The following MTAP variants were observed in gnomAD, a reference collection of about 807,000 sequenced individuals.
MTAP encodes the protein S-methyl-5'-thioadenosine phosphorylase.
Under a neutral mutation model 33.6 loss-of-function variants are expected in MTAP, and 33 were observed. The observed-to-expected ratio is 0.98, with a 90% CI of 0.74 to 1.31. MTAP has a LOEUF of 1.31. Ranked by LOEUF, MTAP falls within the 40% of genes most tolerant of loss-of-function variation. The probability of loss-of-function intolerance (pLI) is 0.00; values close to 1 mark genes in which losing one functional copy is unlikely to be tolerated. For synonymous variants in MTAP, 148 were observed against 125.7 expected (o/e 1.18, Z -1.19); for missense variants, 367 against 360.0 (o/e 1.02, Z -0.16).
intron 1 of MTAP, among the ~76,000 whole-genome samples, chr9:21,810,878 T>C (rs1290418663): frequency 6.6e-6 from 1 of 152,192 alleles, no homozygotes; most frequent in Non-Finnish European, 1.5e-5. Flanking sequence ...CTGTGGACCC[T>C]ATTGCAGGTT....
chr9:21,869,674 C>G (rs148131127), downstream of MTAP, among the ~76,000 whole-genome samples: 227 of 152,276 alleles, frequency 1.5e-3, 2 homozygotes, highest in African/African-American at 5.3e-3. Context: ...CTCTTCAAAA[C>G]CCACATTAAA....
chr9:21,857,756 C>T (rs774564323), intron 6 of MTAP, among the ~76,000 whole-genome samples: 11 of 152,108 alleles, frequency 7.2e-5, no homozygotes, highest in Admixed American at 1.3e-4. Context: ...TTTCATTCTC[C>T]AATAATAATT....
chr9:21,923,896 C>G (rs1400513705), intron 1 of MTAP, among the ~76,000 whole-genome samples: 1 of 152,076 alleles, frequency 6.6e-6, no homozygotes, highest in Non-Finnish European at 1.5e-5. Flanking sequence ...ATAGGCCAGC[C>G]CAAGGCTGCA....
chr9:21,850,375 T>TAAAAA (rs1825482427), intron 5 of MTAP, among the ~76,000 whole-genome samples: 1 of 152,126 alleles, frequency 6.6e-6, no homozygotes, highest in Non-Finnish European at 1.5e-5. Context: ...GGCAACACAT[T>TAAAAA]CTTCATTTGA....
intron 5 of MTAP, among the ~76,000 whole-genome samples, chr9:21,846,198 A>C (rs1825377763): frequency 6.6e-6 from 1 of 152,200 alleles, no homozygotes; most frequent in African/African-American, 2.4e-5. Flanking sequence ...GCCTTGGCTT[A>C]GGCAAAGAGT....
chr9:21,865,173 A>G lies in MTAP; in HGVS notation c.*3159A>G, dbSNP rs1045557581. The G allele has an allele frequency of 2.4e-6, 2 of 843,264 alleles. No individual in the cohort carries two copies. The highest frequency in any genetic ancestry group is 2.9e-6 in the Non-Finnish European group (2 of 700,536). 52.2% of individuals were successfully genotyped at this position (843,264 alleles called of 1,614,324 possible). On this transcript the variant is annotated 3_prime_UTR_variant, in exon 8 of 8. Coordinates refer to ENST00000644715, the MANE Select transcript of MTAP (RefSeq NM_002451.4). ...GGACCCAGTGGGAGGTAATTAAATC[A>G]TGGGGGTGGTTACCCCCACACTGCT...
At chr9:21,882,341 T>A (rs1045073812) in intron 1 of MTAP, among the ~76,000 whole-genome samples, 1 of 151,934 alleles carries the variant, frequency 6.6e-6, no homozygotes, top group Non-Finnish European at 1.5e-5. Context: ...ATTAGGTGAG[T>A]TTTGCTACAA....
intron 7 of MTAP, chr9:21,861,392 AT>A (rs2118569764): frequency 6.5e-6 from 1 of 153,270 alleles, no homozygotes; most frequent in Non-Finnish European, 1.5e-5. Context: ...AAAATGAGGA[AT>A]TCCTGCTCTA....
intron 1 of MTAP, among the ~76,000 whole-genome samples, chr9:21,890,943 G>A (rs1363667639): frequency 6.6e-6 from 1 of 152,144 alleles, no homozygotes; most frequent in Non-Finnish European, 1.5e-5. Flanking sequence ...CCAAGTGGGA[G>A]CTGCAAGTTA....
intron 1 of MTAP, among the ~76,000 whole-genome samples, chr9:21,882,773 A>G (rs981853959): frequency 1.3e-5 from 2 of 152,084 alleles, no homozygotes; most frequent in Non-Finnish European, 2.9e-5. Flanking sequence ...CTGGGTTTTT[A>G]TCTAATCACA....
At chr9:21,815,221 T>C (rs930177526) in intron 1 of MTAP, among the ~76,000 whole-genome samples, 3 of 152,214 alleles carry the variant, frequency 2.0e-5, no homozygotes, top group Non-Finnish European at 2.9e-5. Context: ...TGGTTACTTA[T>C]AGAATATAGA....
intron 4 of MTAP, among the ~76,000 whole-genome samples, chr9:21,833,983 T>C (rs965274814): frequency 4.6e-5 from 7 of 152,226 alleles, no homozygotes; most frequent in African/African-American, 1.7e-4. Context: ...TTGTCTCCTT[T>C]ACTTTTCCAT....
intron 1 of MTAP, chr9:21,929,528 G>A (rs1174022666): frequency 1.6e-5 from 5 of 318,030 alleles, no homozygotes; most frequent in Non-Finnish European, 3.3e-5. Context: ...TTCCTGTTAT[G>A]AGAAAAAGCT....
chr9:21,930,644 A>G lies in MTAP; in HGVS notation c.148-364A>G, dbSNP rs1818942582. The G allele has an allele frequency of 1.4e-5, 6 of 443,990 alleles. No individual in the cohort carries two copies. The South Asian group carries it at 1.8e-4, about 13-fold the overall frequency. The allele number at this position is 443,990 out of a possible 1,614,324, so 27.5% of individuals were successfully genotyped here. Reference sequence around the variant, plus strand: ...AGCCAGCAAGTTTAATATCATGGCTAAAACCTCAACCATGGCCAGAGCAAA... The same window carrying G: ...AGCCAGCAAGTTTAATATCATGGCTGAAACCTCAACCATGGCCAGAGCAAA... On this transcript the variant is annotated intron_variant, in intron 1 of 1. Coordinates refer to the MTAP transcript ENST00000577563.
At chr9:21,830,271 G>C (rs1824934532) in intron 4 of MTAP, among the ~76,000 whole-genome samples, 1 of 152,120 alleles carries the variant, frequency 6.6e-6, no homozygotes, top group Non-Finnish European at 1.5e-5. Flanking sequence ...CCTTGCCATA[G>C]GCCCTGGGCT....
At chr9:21,925,104 T>A (rs1818848130) in intron 1 of MTAP, among the ~76,000 whole-genome samples, 1 of 152,318 alleles carries the variant, frequency 6.6e-6, no homozygotes. Flanking sequence ...ACAATACCCA[T>A]GGGGGCATAT....
At chr9:21,905,280 G>C (rs1416502023) in intron 1 of MTAP, among the ~76,000 whole-genome samples, 1 of 152,116 alleles carries the variant, frequency 6.6e-6, no homozygotes, top group Admixed American at 6.6e-5. Flanking sequence ...TGAGCCAGAA[G>C]GGGAATGGAG....
chr9:21,911,363 G>A (rs1467040404), intron 1 of MTAP, among the ~76,000 whole-genome samples: 1 of 152,094 alleles, frequency 6.6e-6, no homozygotes, highest in East Asian at 1.9e-4. Context: ...TTCCAAAATT[G>A]ACCACATAGT....
Position 21,831,345 on chromosome 9 carries a change from G to T in MTAP, c.348-6563G>T, listed in dbSNP as rs1207772684. ...AAAGATGCCCACATTGTATTTTTTT[G>T]TTGTTTTTTTAGATAGGATCTTTCT... is the stretch of plus-strand genomic sequence containing the variant. On this transcript the variant is annotated intron_variant, in intron 4 of 7. Coordinates refer to ENST00000644715, the MANE Select transcript of MTAP (RefSeq NM_002451.4). Among the ~76,000 whole-genome samples, 5 of 151,624 alleles carry T rather than the reference G, an allele frequency of 3.3e-5. No individual in the cohort carries two copies. In the East Asian group the frequency reaches 8.0e-4, roughly 24 times the overall value.
Sources: allele counts gnomAD v4.1 joint callset (sites outside exome capture counted in the v4.1 genomes callset), GRCh38; gene constraint gnomAD v4.1.1; transcripts MANE v1.5; gene names NCBI Gene and HGNC (gene_info 2026-07-23, HGNC 2026-07-21).